Variants in REL observed in about 807,000 individuals in gnomAD.
The protein encoded by REL is REL proto-oncogene, NF-kB subunit.
In REL, 15 loss-of-function variants were observed where a neutral mutation model predicts 45.9. That is an observed-to-expected ratio of 0.33 (90% confidence interval 0.22 to 0.50). REL has a LOEUF of 0.50. Ranked by LOEUF, REL falls within the 20% of genes least tolerant of loss-of-function variation. The probability of loss-of-function intolerance (pLI) is 0.98; values close to 1 mark genes in which losing one functional copy is unlikely to be tolerated. For missense variants in REL, 601 were observed against 715.2 expected (o/e 0.84, Z 1.82); for synonymous variants, 239 against 242.1 (o/e 0.99, Z 0.12).
In REL at chr2:60,918,300, T is replaced by G. The variant is rs1674038129; in HGVS notation, c.640+5T>G. On this transcript the variant is annotated splice_donor_5th_base_variant and intron_variant, in intron 6 of 9. Coordinates refer to ENST00000394479, the MANE Select transcript of REL (RefSeq NM_001291746.2). The stretch of plus-strand genomic sequence containing the variant: ...TTTGTGACAAAGTTCAGAAAGGTAT[T>G]TATTTATTTCATTGAATTTAGAATA... 1 of 1,571,234 alleles carries G rather than the reference T, an allele frequency of 6.4e-7. No homozygotes were observed. Among genetic ancestry groups the G allele is most frequent in the Admixed American group, 1.7e-5 (1 of 57,452 alleles).
In REL at chr2:60,923,721, C is replaced by T. The variant is rs1674204339; in HGVS notation, c.*1186C>T. On this transcript the variant is annotated 3_prime_UTR_variant, in exon 10 of 10. Coordinates refer to ENST00000394479, the MANE Select transcript of REL (RefSeq NM_001291746.2). ...ATCTAAAGCTGACCACCTCTTTTGA[C>T]CTCTACTATTAACGCCCTATTCCAA... The T allele has an allele frequency of 4.3e-6, 1 of 233,056 alleles. No homozygotes were observed. The highest frequency in any genetic ancestry group is 5.6e-5 in the Admixed American group (1 of 17,786). The allele number at this position is 233,056 out of a possible 1,614,324, so 14.4% of individuals were successfully genotyped here.
chr2:60,885,308 C>T (rs547960294), intron 1 of REL, among the ~76,000 whole-genome samples: 1 of 152,282 alleles, frequency 6.6e-6, no homozygotes, highest in South Asian at 2.1e-4. Flanking sequence ...TGGGCCTCCT[C>T]TGTTTTTATT....
chr2:60,918,312 T>C lies in REL; in HGVS notation c.640+17T>C. The C allele has an allele frequency of 6.4e-7, 1 of 1,564,526 alleles. No homozygotes were observed. Among genetic ancestry groups the C allele is most frequent in the African/African-American group, 1.4e-5 (1 of 72,928 alleles). ...TTCAGAAAGGTATTTATTTATTTCATTGAATTTAGAATAAATTTTAGATTA... is the reference window on the plus strand; with the variant it reads ...TTCAGAAAGGTATTTATTTATTTCACTGAATTTAGAATAAATTTTAGATTA... On this transcript the variant is annotated intron_variant, in intron 6 of 9. Transcript: ENST00000394479.
rs534262276 is a variant in REL, at chr2:60,926,299, T to C, written c.*3764T>C. 2 of 232,090 alleles carry C rather than the reference T, an allele frequency of 8.6e-6. No homozygotes were observed. The highest frequency in any genetic ancestry group is 2.2e-5 in the African/African-American group (1 of 45,420). The allele number at this position is 232,090 out of a possible 1,614,324, so 14.4% of individuals were successfully genotyped here. ...TGCATTTGCATCCTGACTTCTGAAATGCCTCCAGCCTCCATTTTCTCCCTT... is the reference window on the plus strand; with the variant it reads ...TGCATTTGCATCCTGACTTCTGAAACGCCTCCAGCCTCCATTTTCTCCCTT... On this transcript the variant is annotated 3_prime_UTR_variant, in exon 10 of 10. Transcript: ENST00000394479.
chr2:60,887,896 G>A (rs1252389222), intron 1 of REL, among the ~76,000 whole-genome samples: 1 of 150,484 alleles, frequency 6.6e-6, no homozygotes, highest in Non-Finnish European at 1.5e-5. Context: ...AACCAATGAA[G>A]TTTTGGGTTT....
intron 4 of REL, among the ~76,000 whole-genome samples, chr2:60,903,467 A>G (rs2103951449): frequency 6.6e-6 from 1 of 151,992 alleles, no homozygotes. Flanking sequence ...TTGACCTCCC[A>G]GGCTCAGGTG....
intron 1 of REL, among the ~76,000 whole-genome samples, chr2:60,888,929 T>G (rs2103921246): frequency 6.6e-6 from 1 of 152,336 alleles, no homozygotes; most frequent in African/African-American, 2.4e-5. Flanking sequence ...GCCCACATTA[T>G]TATAGTGGTC....
At position 60,925,256 on chromosome 2, in the gene REL, T is replaced by C. The variant is rs987564222; in HGVS notation, c.*2721T>C. The C allele has an allele frequency of 2.6e-5, 5 of 195,366 alleles. No individual in the cohort carries two copies. Among genetic ancestry groups the C allele is most frequent in the Non-Finnish European group, 5.3e-5 (5 of 93,892 alleles). The allele number at this position is 195,366 out of a possible 1,614,324, so 12.1% of individuals were successfully genotyped here. A position where few individuals can be genotyped will look rare whatever the true frequency, so the allele number is the denominator to read the frequency against. On this transcript the variant is annotated 3_prime_UTR_variant, in exon 10 of 10. Coordinates refer to ENST00000394479, the MANE Select transcript of REL (RefSeq NM_001291746.2). The stretch of plus-strand genomic sequence containing the variant: ...ACGATGTCTAACCAAACCATAACTT[T>C]ACATAAACTAGTCGTTTCGGTCAAA...
intron 1 of REL, among the ~76,000 whole-genome samples, chr2:60,889,911 T>C (rs1052574302): frequency 6.6e-6 from 1 of 152,194 alleles, no homozygotes; most frequent in South Asian, 2.1e-4. Context: ...ATAAACATAC[T>C]TGTGCATGTG....
chr2:60,885,488 C>T (rs1673050220), intron 1 of REL, among the ~76,000 whole-genome samples: 1 of 152,056 alleles, frequency 6.6e-6, no homozygotes, highest in Non-Finnish European at 1.5e-5. Flanking sequence ...GAATCTTTTA[C>T]AGTTTTTACC....
rs1379153682 is a variant in REL at position 60,921,928 on chromosome 2, C to A, written c.1157C>A (p.Pro386His). 6.2e-7 allele frequency: 1 copy of A among 1,613,994 alleles called. No homozygotes were observed. Among genetic ancestry groups the A allele is most frequent in the African/African-American group, 1.3e-5 (1 of 74,890 alleles). ...TCAAGCTGGTCATCAGTGGCCCACC[C>A]CACCCCACGCTCAGGCAATACAAAC... is the stretch of plus-strand genomic sequence containing the variant. The part of the protein sequence containing the change: ...PSSSWSSVAH[P>H]TPRSGNTNPL... The change falls in exon 10 of 10, where the codon CCC becomes CAC. Residue 386 changes from proline to histidine, a missense_variant. Around this residue, in one of 4 missense-constraint regions of REL, gnomAD observed 334 missense variants for 333.1 expected, o/e 1.00. Transcript: ENST00000394479.
At chr2:60,920,388 AC>A (rs1423668818) in intron 8 of REL, 185 bp from the exon 9 acceptor site, 8 of 646,502 alleles carry the variant, frequency 1.2e-5, no homozygotes, top group Non-Finnish European at 2.2e-5. Flanking sequence ...TTTAGTAGAA[AC>A]AGGGTTTCGC....
At chr2:60,899,957 C>G (rs1159478888) in intron 3 of REL, 2 of 152,160 alleles carry the variant, frequency 1.3e-5, no homozygotes, top group Admixed American at 1.3e-4. Flanking sequence ...TAATGTGGCA[C>G]AAAACATATT....
At chr2:60,895,120 A>G (rs962425826) in intron 3 of REL, among the ~76,000 whole-genome samples, 5 of 151,820 alleles carry the variant, frequency 3.3e-5, no homozygotes, top group African/African-American at 9.7e-5. Context: ...CGGCCTCCCA[A>G]AGTGCTGGGA....
chr2:60,909,794 G>A (rs971460853), intron 4 of REL, among the ~76,000 whole-genome samples: 1 of 152,110 alleles, frequency 6.6e-6, no homozygotes, highest in African/African-American at 2.4e-5. Flanking sequence ...CTAGCTACTT[G>A]GGAGGCTGAG....
At chr2:60,896,551 C>G (rs1284801923) in intron 3 of REL, among the ~76,000 whole-genome samples, 2 of 151,832 alleles carry the variant, frequency 1.3e-5, no homozygotes, top group African/African-American at 4.8e-5. Context: ...GATTAATAGT[C>G]TCCACATATA....
chr2:60,902,881 A>G (rs1443407286), intron 4 of REL, among the ~76,000 whole-genome samples: 3 of 151,888 alleles, frequency 2.0e-5, no homozygotes, highest in African/African-American at 7.3e-5. Flanking sequence ...GAGCCACTGC[A>G]CCCGGTCTAT....
rs547897083 is a variant in REL at position 60,891,881 on chromosome 2, A to G, written c.153+56A>G. 1,089 of 1,430,118 alleles carry G rather than the reference A, an allele frequency of 7.6e-4. 1 individual carries two copies. The highest frequency in any genetic ancestry group is 9.1e-4 in the Non-Finnish European group (981 of 1,075,780). 88.6% of individuals were successfully genotyped at this position (1,430,118 alleles called of 1,614,324 possible). A position where few individuals can be genotyped will look rare whatever the true frequency, so the allele number is the denominator to read the frequency against. On this transcript the variant is annotated intron_variant, in intron 2 of 9. Coordinates refer to ENST00000394479, the MANE Select transcript of REL (RefSeq NM_001291746.2). ...CTATTAGTTGCTTCATATACTAGCT[A>G]TAGCAATTATTTTAAAGGGCCAGTT...
intron 4 of REL, among the ~76,000 whole-genome samples, chr2:60,916,584 A>G (rs1320572550): frequency 1.3e-5 from 2 of 152,212 alleles, no homozygotes; most frequent in African/African-American, 2.4e-5. Context: ...ACCTGCAACT[A>G]TTTTTTAAAA....
Sources: allele counts gnomAD v4.1 joint callset (sites outside exome capture counted in the v4.1 genomes callset), GRCh38; gene constraint gnomAD v4.1.1; regional missense constraint gnomAD v4.1.1; transcripts MANE v1.5; gene names NCBI Gene and HGNC (gene_info 2026-07-23, HGNC 2026-07-21).